The following SNX18 variants were observed in gnomAD, a reference collection of about 807,000 sequenced individuals.
The protein encoded by SNX18 is sorting nexin-18.
Under a neutral mutation model 48.7 loss-of-function variants are expected in SNX18, and 35 were observed. The ratio of observed to expected loss-of-function variants is 0.72; its 90% CI spans 0.55 to 0.95. The LOEUF is 0.95. Among genes scored for constraint, SNX18 ranks in the 40% least tolerant of loss-of-function variants. The probability of loss-of-function intolerance (pLI) is 0.00; values close to 1 mark genes in which losing one functional copy is unlikely to be tolerated. For missense variants in SNX18, 824 were observed against 871.0 expected (o/e 0.95, Z 0.68); for synonymous variants, 492 against 384.7 (o/e 1.28, Z -3.26).
chr5:54,624,392 C>G, the SNX18 span, among the ~76,000 whole-genome samples: 2 of 152,166 alleles, frequency 1.3e-5, no homozygotes, highest in Admixed American at 1.3e-4. Flanking sequence ...TTCACTCTTT[C>G]TAGTGATCAG....
At chr5:54,523,561 G>A (rs1398315113) in intron 1 of SNX18, among the ~76,000 whole-genome samples, 3 of 152,148 alleles carry the variant, frequency 2.0e-5, no homozygotes, top group South Asian at 2.1e-4. Flanking sequence ...TTGATTTGTC[G>A]ATTTGGGCTG....
chr5:54,519,605 G>C (rs1315542169), intron 1 of SNX18, 32 bp downstream of exon 1: 1 of 1,614,098 alleles, frequency 6.2e-7, no homozygotes, highest in Non-Finnish European at 8.5e-7. Flanking sequence ...AGGTGATATG[G>C]AGTGTATTGT....
the SNX18 span, among the ~76,000 whole-genome samples, chr5:54,565,268 A>G: frequency 6.6e-6 from 1 of 152,334 alleles, no homozygotes; most frequent in South Asian, 2.1e-4. Flanking sequence ...CCTCCCACTC[A>G]CAGTAATTCT....
the SNX18 span, among the ~76,000 whole-genome samples, chr5:54,592,172 A>T: frequency 1.3e-5 from 2 of 152,066 alleles, no homozygotes; most frequent in Non-Finnish European, 2.9e-5. Flanking sequence ...CCCCTTTACT[A>T]TACCCTCGCC....
chr5:54,597,181 G>A, the SNX18 span, among the ~76,000 whole-genome samples: 16 of 151,748 alleles, frequency 1.1e-4, no homozygotes, highest in Admixed American at 5.3e-4. Context: ...TTGGTAAAGC[G>A]GAGCTAACTA....
At chr5:54,533,189 T>C (rs1762283538) in intron 1 of SNX18, among the ~76,000 whole-genome samples, 1 of 152,192 alleles carries the variant, frequency 6.6e-6, no homozygotes, top group Non-Finnish European at 1.5e-5. Flanking sequence ...CTCTTTGTCA[T>C]TTATTATATT....
the SNX18 span, among the ~76,000 whole-genome samples, chr5:54,641,976 T>G: frequency 6.6e-6 from 1 of 152,226 alleles, no homozygotes; most frequent in Admixed American, 6.5e-5. Flanking sequence ...AAGGACTTCT[T>G]GAAAAATCAG....
the SNX18 span, among the ~76,000 whole-genome samples, chr5:54,607,407 G>GT: frequency 1.1e-3 from 173 of 152,188 alleles, no homozygotes; most frequent in African/African-American, 4.0e-3. Flanking sequence ...CATTATGTGC[G>GT]TAATAAACCT....
the SNX18 span, among the ~76,000 whole-genome samples, chr5:54,627,690 G>A: frequency 2.6e-5 from 4 of 152,052 alleles, no homozygotes; most frequent in African/African-American, 9.7e-5. Flanking sequence ...CCAGTGGCAG[G>A]GGTGCAGATT....
chr5:54,639,400 G>A, the SNX18 span, among the ~76,000 whole-genome samples: 4 of 152,286 alleles, frequency 2.6e-5, no homozygotes, highest in African/African-American at 9.6e-5. Flanking sequence ...GCATATCATA[G>A]GGGATCAGTA....
rs1271803996 is a variant in SNX18, at chr5:54,518,873, G to A, written c.921G>A (p.Val307=). 1.2e-6 allele frequency: 2 copies of A among 1,613,768 alleles called. No homozygotes were observed. The highest frequency in any genetic ancestry group is 2.2e-5 in the East Asian group (1 of 44,850). ...SYKLVPTHTQ[V]PVHRRYKHFD... is the part of the protein sequence containing the mutation. ...AGCTGGTGCCCACGCACACGCAGGTGCCGGTGCATCGGCGCTACAAGCACT... is the reference window on the plus strand; with the variant it reads ...AGCTGGTGCCCACGCACACGCAGGTACCGGTGCATCGGCGCTACAAGCACT... The change falls in exon 1 of 2, where the codon GTG becomes GTA. Residue 307 remains valine, a synonymous_variant. Coordinates refer to ENST00000381410, the MANE Select transcript of SNX18 (RefSeq NM_001102575.2).
chr5:54,562,482 T>A, the SNX18 span, among the ~76,000 whole-genome samples: 1 of 152,170 alleles, frequency 6.6e-6, no homozygotes, highest in Non-Finnish European at 1.5e-5. Flanking sequence ...GCAGGCCCCA[T>A]GTAGGTTGGT....
At chr5:54,563,132 G>A in the SNX18 span, among the ~76,000 whole-genome samples, 1 of 152,056 alleles carries the variant, frequency 6.6e-6, no homozygotes, top group Non-Finnish European at 1.5e-5. Context: ...TTTAAATAAA[G>A]TAAAAAAGTT....
At chr5:54,618,945 A>AG in the SNX18 span, among the ~76,000 whole-genome samples, 2 of 144,504 alleles carry the variant, frequency 1.4e-5, no homozygotes, top group African/African-American at 2.4e-5. Context: ...TCTGAAAAGT[A>AG]GAAAAAAAAA....
At chr5:54,568,360 TG>T in the SNX18 span, among the ~76,000 whole-genome samples, 1 of 152,230 alleles carries the variant, frequency 6.6e-6, no homozygotes, top group Non-Finnish European at 1.5e-5. Context: ...ATCTATGGTT[TG>T]GACACACACT....
Position 54,518,481 on chromosome 5 carries a change from C to T in SNX18, c.529C>T (p.Pro177Ser). 6.4e-7 allele frequency: 1 copy of T among 1,571,102 alleles called. No homozygotes were observed. The highest frequency in any genetic ancestry group is 8.6e-7 in the Non-Finnish European group (1 of 1,158,686). ...GGGCGCTCTGGGCAGCGGAGCATAC[C>T]CGGACCTCGACGGCTCGTCTTCGGC... ...EPGALGSGAY[P>S]DLDGSSSAGV... Residue 177 changes from proline to serine, a missense_variant, in exon 1 of 2, where the codon CCG becomes TCG. Transcript: ENST00000381410.
At chr5:54,606,749 TA>T in the SNX18 span, among the ~76,000 whole-genome samples, 3 of 152,368 alleles carry the variant, frequency 2.0e-5, no homozygotes, top group African/African-American at 7.2e-5. Context: ...ATTAGTATAA[TA>T]TCACAACCAG....
the SNX18 span, among the ~76,000 whole-genome samples, chr5:54,577,703 G>A: frequency 4.6e-5 from 7 of 152,176 alleles, no homozygotes; most frequent in Non-Finnish European, 8.8e-5. Flanking sequence ...TCCAGCATAC[G>A]CTGAGGTTTG....
the SNX18 span, among the ~76,000 whole-genome samples, chr5:54,607,599 A>G: frequency 6.6e-6 from 1 of 152,162 alleles, no homozygotes; most frequent in Non-Finnish European, 1.5e-5. Context: ...CACCTGTTGA[A>G]GGACATTTCT....
Sources: gnomAD v4.1 joint callset for allele counts (sites outside exome capture counted in the v4.1 genomes callset) on GRCh38, gnomAD v4.1.1 for gene constraint, MANE v1.5 for transcripts, NCBI Gene and HGNC (gene_info 2026-07-23, HGNC 2026-07-21) for gene names.